The following PKHD1L1 variants were observed in gnomAD, a reference collection of about 807,000 sequenced individuals.
The protein encoded by PKHD1L1 is fibrocystin-L.
In PKHD1L1, 434 loss-of-function variants were observed where a neutral mutation model predicts 462.9. The observed-to-expected ratio is 0.94, with a 90% CI of 0.87 to 1.02. PKHD1L1 has a LOEUF of 1.02. Among genes scored for constraint, PKHD1L1 ranks in the 50% least tolerant of loss-of-function variants. PKHD1L1 has a pLI of 0.00. For synonymous variants in PKHD1L1, 1,781 were observed against 1,750.0 expected, an observed-to-expected ratio of 1.02 and a Z score of -0.44; for missense variants, 5,202 against 5,096.1, an observed-to-expected ratio of 1.02 and a Z score of -0.63.
At chr8:109,440,205 C>A (rs974969781) in intron 32 of PKHD1L1, among the ~76,000 whole-genome samples, 4 of 151,868 alleles carry the variant, frequency 2.6e-5, no homozygotes, top group Non-Finnish European at 4.4e-5. Context: ...TATAACCAAG[C>A]AAAATAAATT....
chr8:109,473,746 G>T (rs1457195730), intron 50 of PKHD1L1, among the ~76,000 whole-genome samples: 1 of 152,058 alleles, frequency 6.6e-6, no homozygotes. Flanking sequence ...TCTAGGCTGG[G>T]CTCTGCTGGA....
Position 109,435,304 on chromosome 8 carries a change from T to C in PKHD1L1, c.3455T>C (p.Val1152Ala), listed in dbSNP as rs377437982. ...GTAGGGGGTGAAGAGTTCTACTTTG[T>C]TTATCAGAGTCAGATCTCACATATC... ...QNVGGEEFYF[V>A]YQSQISHIWP... Residue 1152 changes from valine to alanine, a missense_variant, in exon 29 of 78, where the codon GTT becomes GCT. Physicochemically the swap from Val to Ala is moderately conservative, Grantham distance 64. Around this residue, in one of 3 missense-constraint regions of PKHD1L1, gnomAD observed 4,497 missense variants for 4,336.8 expected, o/e 1.04. Coordinates refer to ENST00000378402, the MANE Select transcript of PKHD1L1 (RefSeq NM_177531.6). The C allele has an allele frequency of 8.7e-6, 14 of 1,613,844 alleles. No homozygotes were observed. The highest frequency in any genetic ancestry group is 1.2e-5 in the Non-Finnish European group (14 of 1,179,768).
chr8:109,406,580 T>A, intron 17 of PKHD1L1, 102 bp downstream of exon 17: 1 of 1,276,966 alleles, frequency 7.8e-7, no homozygotes, highest in Non-Finnish European at 1.0e-6. Context: ...TTGGTTAATC[T>A]TAGGAGAAGC....
Position 109,442,055 on chromosome 8 carries a change from T to C in PKHD1L1, c.4253T>C (p.Val1418Ala). The C allele has an allele frequency of 6.2e-7, 1 of 1,613,390 alleles. No homozygotes were observed. Residue 1418 changes from valine to alanine, a missense_variant, in exon 35 of 78, where the codon GTG becomes GCG. This residue lies in a region of PKHD1L1 where 4,497 missense variants were observed against 4,336.8 expected (regional missense o/e 1.04). Transcript: ENST00000378402. ...AWSPPVLNVSVGDTVAWHWQT... is the reference protein window; with the variant it reads ...AWSPPVLNVSAGDTVAWHWQT... ...TCACCACCAGTCCTAAATGTGTCTG[T>C]GGGGGACACAGTGGCATGGCATTGG...
chr8:109,370,352 G>T (rs1305324584), intron 2 of PKHD1L1, among the ~76,000 whole-genome samples: 1 of 152,054 alleles, frequency 6.6e-6, no homozygotes, highest in Non-Finnish European at 1.5e-5. Flanking sequence ...GACCTCAGGT[G>T]ATCTGCCTGC....
At chr8:109,405,281 C>A (rs944806079) in intron 16 of PKHD1L1, among the ~76,000 whole-genome samples, 151 bp downstream of exon 16, 1 of 151,938 alleles carries the variant, frequency 6.6e-6, no homozygotes, top group Non-Finnish European at 1.5e-5. Context: ...TGGAAAAAAG[C>A]CTTCAGACTG....
rs1821098679 is a variant in PKHD1L1, at chr8:109,534,030, G to A, written c.*3940G>A. ...CCTAAATCTCCTGCTTTCATCAGAT[G>A]TCTGAGATGGCAAAATTTGGAAGGA... On this transcript the variant is annotated 3_prime_UTR_variant, in exon 78 of 78. Coordinates refer to ENST00000378402, the MANE Select transcript of PKHD1L1 (RefSeq NM_177531.6). Among the ~76,000 whole-genome samples the A allele has an allele frequency of 6.6e-6, 1 of 152,198 alleles. No homozygotes were observed. Among genetic ancestry groups the A allele is most frequent in the African/African-American group, 2.4e-5 (1 of 41,450 alleles).
chr8:109,442,225 A>G (rs1318525737), intron 35 of PKHD1L1, 30 bp downstream of exon 35: 1 of 1,565,166 alleles, frequency 6.4e-7, no homozygotes, highest in Non-Finnish European at 8.7e-7. Flanking sequence ...GTTTTGCATC[A>G]TGTCACTTTT....
rs148498210 is a variant in PKHD1L1, at chr8:109,388,133, A to G, written c.570-364A>G. Among the ~76,000 whole-genome samples, 778 of 152,308 alleles carry G rather than the reference A, an allele frequency of 5.1e-3. 9 individuals carry two copies. Among genetic ancestry groups the G allele is most frequent in the African/African-American group, 0.018 (749 of 41,560 alleles). ...TACAAAATTGTTTTTGAGTTGATTGAACTTCAGATGGATGACTTTATTATC... is the reference window on the plus strand; with the variant it reads ...TACAAAATTGTTTTTGAGTTGATTGGACTTCAGATGGATGACTTTATTATC... On this transcript the variant is annotated intron_variant, in intron 6 of 77. Transcript: ENST00000378402.
rs755000507 is a variant in PKHD1L1 at position 109,444,885 on chromosome 8, A to G, written c.5016A>G (p.Thr1672=). ...TGTTGCCAAATGCAGGATCAACTACAGGAATGACAAGCGTGACCATAAAAG... is the reference window on the plus strand; with the variant it reads ...TGTTGCCAAATGCAGGATCAACTACGGGAATGACAAGCGTGACCATAAAAG... ...DLVLPNAGST[T]GMTSVTIKGS... Residue 1672 remains threonine, a synonymous_variant, in exon 38 of 78, where the codon ACA becomes ACG. Transcript: ENST00000378402. The G allele has an allele frequency of 3.7e-6, 6 of 1,614,066 alleles. No individual in the cohort carries two copies. In the East Asian group the frequency reaches 1.3e-4, roughly 36 times the overall value.
intron 53 of PKHD1L1, among the ~76,000 whole-genome samples, chr8:109,479,260 A>ACCTGCCAC (rs1291026827): frequency 1.3e-5 from 2 of 152,102 alleles, no homozygotes; most frequent in African/African-American, 4.8e-5. Context: ...TTGGATACAG[A>ACCTGCCAC]CCTGCCACCC....
chr8:109,455,073 C>T (rs1226476116), intron 45 of PKHD1L1, among the ~76,000 whole-genome samples: 1 of 152,216 alleles, frequency 6.6e-6, no homozygotes, highest in African/African-American at 2.4e-5. Context: ...TGCGGTGGCT[C>T]ATACCTGTAA....
intron 25 of PKHD1L1, among the ~76,000 whole-genome samples, chr8:109,427,451 G>A (rs761018880): frequency 7.9e-5 from 12 of 152,078 alleles, no homozygotes; most frequent in Non-Finnish European, 1.5e-4. Flanking sequence ...AGTCAGGACC[G>A]GTCTCAGAAC....
intron 50 of PKHD1L1, chr8:109,470,194 C>T: frequency 1.2e-6 from 1 of 852,598 alleles, no homozygotes. Context: ...TCTGGAGGAT[C>T]CTGCTTTTGA....
chr8:109,408,291 A>C, intron 18 of PKHD1L1, 85 bp downstream of exon 18: 1 of 1,256,000 alleles, frequency 8.0e-7, no homozygotes, highest in East Asian at 2.6e-5. Context: ...GATGGGAAAG[A>C]GATGTTACTT....
intron 25 of PKHD1L1, among the ~76,000 whole-genome samples, chr8:109,427,997 T>G (rs1814858735): frequency 8.8e-6 from 1 of 113,968 alleles, no homozygotes; most frequent in African/African-American, 3.2e-5. Context: ...CACTCCAGCC[T>G]GGGCAACAAG....
At position 109,362,571 on chromosome 8, in the gene PKHD1L1, T is replaced by G; in HGVS notation, c.-10T>G. 1 of 1,604,582 alleles carries G rather than the reference T, an allele frequency of 6.2e-7. No homozygotes were observed. Among genetic ancestry groups the G allele is most frequent in the South Asian group, 1.1e-5 (1 of 88,814 alleles). Reference sequence around the variant, plus strand: ...GCGGAGGGCACCAACTCCGCAGAACTGGCTTTTCAATGGGACACCTGTGGC... The same window carrying G: ...GCGGAGGGCACCAACTCCGCAGAACGGGCTTTTCAATGGGACACCTGTGGC... On this transcript the variant is annotated 5_prime_UTR_variant, in exon 1 of 78. Coordinates refer to ENST00000378402, the MANE Select transcript of PKHD1L1 (RefSeq NM_177531.6).
chr8:109,380,317 A>G (rs72684719), intron 2 of PKHD1L1, among the ~76,000 whole-genome samples: 25,378 of 152,078 alleles, frequency 0.17, 2,346 homozygotes, highest in South Asian at 0.27. Flanking sequence ...ATGAGTAGCT[A>G]TGTGTTGTAT....
At position 109,462,171 on chromosome 8, in the gene PKHD1L1, C is replaced by A. The variant is rs147970679; in HGVS notation, c.7383+263C>A. ...ACCAGAATCCAGTCTCTTTCCATAC[C>A]TCCACCTGATCCTGTGCCTGAGCCA... On this transcript the variant is annotated intron_variant, in intron 48 of 77. Transcript: ENST00000378402. 2.0e-5 allele frequency among the ~76,000 whole-genome samples: 3 copies of A among 152,250 alleles called. No individual in the cohort carries two copies. The East Asian group carries it at 5.8e-4, about 29-fold the overall frequency.
Sources: allele counts gnomAD v4.1 joint callset (sites outside exome capture counted in the v4.1 genomes callset), GRCh38; gene constraint gnomAD v4.1.1; regional missense constraint gnomAD v4.1.1; transcripts MANE v1.5; gene names NCBI Gene and HGNC (gene_info 2026-07-23, HGNC 2026-07-21).